The following RORA variants were observed in gnomAD, a reference collection of about 807,000 sequenced individuals.
The protein encoded by RORA is RAR related orphan receptor A.
RORA carries 7 observed loss-of-function variants against 69.5 expected under a neutral mutation model. The observed-to-expected ratio is 0.10, with a 90% CI of 0.06 to 0.19. The LOEUF is 0.19. Ranked by LOEUF, RORA falls within the 10% of genes least tolerant of loss-of-function variation. The pLI is 1.00. For synonymous variants in RORA, 261 were observed against 240.8 expected (o/e 1.08, Z -0.78); for missense variants, 457 against 663.0 (o/e 0.69, Z 3.41).
At chr15:60,760,879 C>T (rs547191813) in intron 1 of RORA, among the ~76,000 whole-genome samples, 2 of 152,268 alleles carry the variant, frequency 1.3e-5, no homozygotes, top group Non-Finnish European at 2.9e-5. Context: ...CACAGACACA[C>T]ATACAGGTGC....
At chr15:61,035,324 C>CT (rs968255535) in intron 1 of RORA, among the ~76,000 whole-genome samples, 2 of 151,938 alleles carry the variant, frequency 1.3e-5, no homozygotes, top group African/African-American at 4.8e-5. Context: ...TTCTTTTTTC[C>CT]TTTTTTTCAA....
intron 1 of RORA, among the ~76,000 whole-genome samples, chr15:61,221,286 T>G (rs1316745626): frequency 1.3e-5 from 2 of 152,220 alleles, no homozygotes; most frequent in Non-Finnish European, 2.9e-5. Flanking sequence ...ACTAATTCCC[T>G]TCCTAACTGC....
At chr15:60,940,728 C>G (rs572110435) in intron 1 of RORA, among the ~76,000 whole-genome samples, 63 of 152,232 alleles carry the variant, frequency 4.1e-4, no homozygotes, top group African/African-American at 1.5e-3. Context: ...AAGATTGAGA[C>G]CATCCTGGCC....
At chr15:60,755,451 G>T (rs1218033804) in intron 1 of RORA, among the ~76,000 whole-genome samples, 2 of 152,038 alleles carry the variant, frequency 1.3e-5, no homozygotes, top group Non-Finnish European at 2.9e-5. Context: ...ACATACGTGT[G>T]CATGTGTCTT....
intron 2 of RORA, among the ~76,000 whole-genome samples, chr15:60,630,808 G>C (rs2069718391): frequency 6.6e-6 from 1 of 152,084 alleles, no homozygotes; most frequent in African/African-American, 2.4e-5. Flanking sequence ...ATTTGCAAAG[G>C]AGGAAACTGA....
intron 1 of RORA, among the ~76,000 whole-genome samples, chr15:61,053,243 C>G (rs1055160910): frequency 1.3e-5 from 2 of 152,026 alleles, no homozygotes; most frequent in Non-Finnish European, 2.9e-5. Flanking sequence ...TGTTTGCATA[C>G]AGCTGTCAGC....
At chr15:60,552,066 TG>T (rs2067240932) in intron 2 of RORA, among the ~76,000 whole-genome samples, 1 of 152,028 alleles carries the variant, frequency 6.6e-6, no homozygotes, top group African/African-American at 2.4e-5. Flanking sequence ...ACAGTGGTGG[TG>T]TTAGGGAGAG....
chr15:60,951,617 G>A (rs934363378), intron 1 of RORA, among the ~76,000 whole-genome samples: 7 of 149,562 alleles, frequency 4.7e-5, no homozygotes, highest in Non-Finnish European at 9.0e-5. Context: ...TATCACCACC[G>A]ATCCCACACA....
At chr15:61,047,956 C>T (rs113581528) in intron 1 of RORA, among the ~76,000 whole-genome samples, 289 of 152,264 alleles carry the variant, frequency 1.9e-3, no homozygotes, top group Middle Eastern at 6.8e-3. Flanking sequence ...CAAAAATGAG[C>T]AACGTTAAAA....
At position 60,497,386 on chromosome 15, in the gene RORA, C is replaced by T. The variant is rs200867466; in HGVS notation, c.*69G>A. 25 of 1,422,390 alleles carry T rather than the reference C, an allele frequency of 1.8e-5. No individual in the cohort carries two copies. The highest frequency in any genetic ancestry group is 3.6e-5 in the South Asian group (3 of 82,838). The allele number at this position is 1,422,390 out of a possible 1,614,324, so 88.1% of individuals were successfully genotyped here. The stretch of plus-strand genomic sequence containing the variant: ...CTGTGCAGGGCCATATAAAGTGTCT[C>T]GGTTAATTTTTTTGTTTGTTTTTCA... On this transcript the variant is annotated 3_prime_UTR_variant, in exon 11 of 11. Coordinates refer to ENST00000335670, the MANE Select transcript of RORA (RefSeq NM_134261.3).
At chr15:60,971,306 T>C (rs1893705577) in intron 1 of RORA, among the ~76,000 whole-genome samples, 1 of 152,182 alleles carries the variant, frequency 6.6e-6, no homozygotes, top group Non-Finnish European at 1.5e-5. Flanking sequence ...TTGAGTATGT[T>C]CCCTCCTAGA....
rs540809469 is a variant in RORA at position 61,139,746 on chromosome 15, C to T, written c.166+89307G>A. 3.3e-5 allele frequency among the ~76,000 whole-genome samples: 5 copies of T among 152,250 alleles called. No homozygotes were observed. The South Asian group carries it at 6.2e-4, about 19-fold the overall frequency. ...ACTACTCCTGCCTCCGTGGCTGGCA[C>T]CAGGGCAGGAGAGACAGAGTGAGTT... On this transcript the variant is annotated intron_variant, in intron 1 of 10. Transcript: ENST00000335670.
intron 1 of RORA, among the ~76,000 whole-genome samples, chr15:61,031,863 T>C (rs73422502): frequency 0.018 from 2,690 of 152,300 alleles, 80 homozygotes; most frequent in African/African-American, 0.061. Context: ...AGACTATATA[T>C]AGAAGTTCAT....
intron 1 of RORA, among the ~76,000 whole-genome samples, chr15:60,868,704 G>GA (rs2073518560): frequency 1.3e-5 from 2 of 151,828 alleles, no homozygotes; most frequent in African/African-American, 2.4e-5. Flanking sequence ...GTGTCTGGGA[G>GA]AAAAAAAGGA....
intron 1 of RORA, among the ~76,000 whole-genome samples, chr15:61,049,924 G>T (rs1897221340): frequency 6.6e-6 from 1 of 152,298 alleles, no homozygotes; most frequent in South Asian, 2.1e-4. Flanking sequence ...CTCCCAAAGT[G>T]CTGGGATTAC....
chr15:60,895,831 G>A (rs1164693233), intron 1 of RORA, among the ~76,000 whole-genome samples: 1 of 152,024 alleles, frequency 6.6e-6, no homozygotes, highest in Non-Finnish European at 1.5e-5. Context: ...TCCACTTTTG[G>A]TCTCATTTTC....
chr15:60,542,881 A>G (rs1440997355), intron 2 of RORA, among the ~76,000 whole-genome samples: 1 of 147,708 alleles, frequency 6.8e-6, no homozygotes, highest in East Asian at 2.1e-4. Flanking sequence ...ACACACACAC[A>G]ACACATATAC....
intron 1 of RORA, among the ~76,000 whole-genome samples, chr15:61,185,961 C>T (rs750391313): frequency 6.6e-6 from 1 of 152,274 alleles, no homozygotes; most frequent in Admixed American, 6.5e-5. Context: ...ACATCCTTCA[C>T]CACCCAGCTC....
At chr15:60,897,439 G>C (rs1392443406) in intron 1 of RORA, among the ~76,000 whole-genome samples, 1 of 152,180 alleles carries the variant, frequency 6.6e-6, no homozygotes, top group African/African-American at 2.4e-5. Flanking sequence ...TAGAGGAAGA[G>C]GGGTGTAAAT....
Sources: gnomAD v4.1 joint callset for allele counts (sites outside exome capture counted in the v4.1 genomes callset) on GRCh38, gnomAD v4.1.1 for gene constraint, MANE v1.5 for transcripts, NCBI Gene and HGNC (gene_info 2026-07-23, HGNC 2026-07-21) for gene names.